CALM2: variants seen among roughly 807,000 people sequenced by gnomAD.
CALM2 encodes the protein calmodulin 2, also known as calmodulin-2.
Under a neutral mutation model 19.8 loss-of-function variants are expected in CALM2, and 2 were observed. The ratio of observed to expected loss-of-function variants is 0.10; its 90% CI spans 0.04 to 0.32. The LOEUF (loss-of-function observed/expected upper bound fraction) is 0.32, where lower values mean the gene tolerates loss of function less well. Among genes scored for constraint, CALM2 ranks in the 10% least tolerant of loss-of-function variants. The probability of loss-of-function intolerance (pLI) is 1.00; values close to 1 mark genes in which losing one functional copy is unlikely to be tolerated. For missense variants in CALM2, 38 were observed against 178.7 expected, an observed-to-expected ratio of 0.21 and a Z score of 4.49; for synonymous variants, 51 against 52.1, an observed-to-expected ratio of 0.98 and a Z score of 0.09.
At chr2:47,163,191 TA>T (rs1311011996) in intron 2 of CALM2, 1 of 152,750 alleles carries the variant, frequency 6.5e-6, no homozygotes, top group African/African-American at 2.4e-5. Flanking sequence ...CCACTATGTC[TA>T]AATCAATCAC....
intron 2 of CALM2, among the ~76,000 whole-genome samples, chr2:47,166,498 A>C (rs1666477444): frequency 6.6e-6 from 1 of 152,210 alleles, no homozygotes; most frequent in East Asian, 1.9e-4. Flanking sequence ...TGCTAGAATA[A>C]GTAAAATGCA....
In CALM2 at chr2:47,162,728, G is replaced by A. The variant is rs190744140; in HGVS notation, c.35-66C>T. Reference sequence around the variant, plus strand: ...TAATAAAATGTAACCTAAATGAAACGTATTAACTCTTAAAGCCTACTCAGT... The same window carrying A: ...TAATAAAATGTAACCTAAATGAAACATATTAACTCTTAAAGCCTACTCAGT... On this transcript the variant is annotated intron_variant, in intron 2 of 5. Coordinates refer to ENST00000272298, the MANE Select transcript of CALM2 (RefSeq NM_001743.6). The A allele has an allele frequency of 8.2e-5, 108 of 1,318,340 alleles. No individual in the cohort carries two copies. In the African/African-American group the frequency reaches 1.2e-3, roughly 15 times the overall value. 81.7% of individuals were successfully genotyped at this position (1,318,340 alleles called of 1,614,324 possible). A position where few individuals can be genotyped will look rare whatever the true frequency, so the allele number is the denominator to read the frequency against.
upstream of CALM2, chr2:47,176,910 T>G (rs1433229383): frequency 2.0e-6 from 2 of 985,264 alleles, no homozygotes; most frequent in East Asian, 2.3e-4. Context: ...CTGCCGTTGC[T>G]GCTCGGGCCG....
chr2:47,166,322 G>A (rs1329590799), intron 2 of CALM2, among the ~76,000 whole-genome samples: 3 of 152,116 alleles, frequency 2.0e-5, no homozygotes, highest in African/African-American at 7.2e-5. Context: ...TCTGCTATGG[G>A]TATCTTTTAA....
intron 1 of CALM2, 134 bp downstream of exon 1, chr2:47,176,307 C>T: frequency 9.2e-6 from 10 of 1,091,824 alleles, no homozygotes; most frequent in Non-Finnish European, 1.2e-5. Context: ...GCATCCCTGG[C>T]CTCTTTCGCG....
At chr2:47,176,055 GC>G (rs1666856038) in intron 1 of CALM2, among the ~76,000 whole-genome samples, 1 of 152,080 alleles carries the variant, frequency 6.6e-6, no homozygotes, top group South Asian at 2.1e-4. Flanking sequence ...GATTGAATTC[GC>G]CCCCTGCTTG....
intron 2 of CALM2, among the ~76,000 whole-genome samples, chr2:47,169,836 T>C (rs1408908335): frequency 6.6e-6 from 1 of 152,164 alleles, no homozygotes; most frequent in Admixed American, 6.5e-5. Context: ...TCAAGTGCTT[T>C]TGAGCTCTTA....
intron 1 of CALM2, 157 bp downstream of exon 1, chr2:47,176,284 A>C: frequency 1.2e-6 from 1 of 844,352 alleles, no homozygotes; most frequent in South Asian, 1.7e-5. Context: ...CACCTGCGAC[A>C]CAACCGTCGC....
chr2:47,167,216 GAC>G (rs1332210184), intron 2 of CALM2, among the ~76,000 whole-genome samples: 1 of 151,986 alleles, frequency 6.6e-6, no homozygotes, highest in Non-Finnish European at 1.5e-5. Context: ...AACAAATTTG[GAC>G]CTTGAAAATT....
intron 2 of CALM2, among the ~76,000 whole-genome samples, chr2:47,165,715 G>A (rs1046527992): frequency 6.6e-6 from 1 of 151,724 alleles, no homozygotes; most frequent in Admixed American, 6.6e-5. Context: ...TACCCATCTC[G>A]CTCAATAAAT....
chr2:47,161,127 C>G (rs953676704), intron 5 of CALM2, among the ~76,000 whole-genome samples: 1 of 152,068 alleles, frequency 6.6e-6, no homozygotes, highest in Non-Finnish European at 1.5e-5. Flanking sequence ...ATGCTATGGG[C>G]TAGGTTTAAT....
chr2:47,172,420 G>T, intron 1 of CALM2: 1 of 727,182 alleles, frequency 1.4e-6, no homozygotes, highest in Non-Finnish European at 2.2e-6. Flanking sequence ...TTACCTTGCA[G>T]GGTTGTTGTG....
chr2:47,170,806 T>C (rs367555685), intron 1 of CALM2, 42 bp from the exon 2 acceptor site: 1 of 1,548,722 alleles, frequency 6.5e-7, no homozygotes, highest in Non-Finnish European at 8.9e-7. Flanking sequence ...CTTGAGAGTA[T>C]GTAGATTAGC....
intron 2 of CALM2, among the ~76,000 whole-genome samples, chr2:47,168,443 T>C (rs558906564): frequency 2.6e-5 from 4 of 152,226 alleles, no homozygotes; most frequent in East Asian, 3.9e-4. Context: ...GTATTCTTTA[T>C]AAGAATTCTA....
intron 2 of CALM2, among the ~76,000 whole-genome samples, chr2:47,166,396 A>T (rs1247876315): frequency 6.6e-6 from 1 of 152,224 alleles, no homozygotes; most frequent in Non-Finnish European, 1.5e-5. Context: ...CTATTACATG[A>T]TTTAACAAAA....
intron 2 of CALM2, chr2:47,167,814 C>CTTTTCTTTTTTTTTTTTTTTTTTTTTT: frequency 2.1e-5 from 2 of 96,484 alleles, no homozygotes; most frequent in African/African-American, 1.1e-4. Flanking sequence ...TTTTTCTTTT[C>CTTTTCTTTTTTTTTTTTTTTTTTTTTT]TTTGAGACAG....
intron 2 of CALM2, among the ~76,000 whole-genome samples, chr2:47,169,262 C>T (rs1666593164): frequency 6.6e-6 from 1 of 152,092 alleles, no homozygotes; most frequent in South Asian, 2.1e-4. Context: ...ATTAGACAGC[C>T]TGAGACAATT....
At chr2:47,175,156 C>G (rs1666811471) in intron 1 of CALM2, among the ~76,000 whole-genome samples, 1 of 131,140 alleles carries the variant, frequency 7.6e-6, no homozygotes, top group South Asian at 2.6e-4. Flanking sequence ...TAAAAATTCC[C>G]TGCTCCTCCC....
chr2:47,175,012 C>T (rs945383870), intron 1 of CALM2, among the ~76,000 whole-genome samples: 2 of 151,224 alleles, frequency 1.3e-5, no homozygotes, highest in Admixed American at 1.3e-4. Flanking sequence ...CCTGGACACA[C>T]CCATCGCTGT....
Sources: gnomAD v4.1 joint callset for allele counts (sites outside exome capture counted in the v4.1 genomes callset) on GRCh38, gnomAD v4.1.1 for gene constraint, MANE v1.5 for transcripts, NCBI Gene and HGNC (gene_info 2026-07-23, HGNC 2026-07-21) for gene names.